The following LRRC4C variants were observed in gnomAD, a reference collection of about 807,000 sequenced individuals.
The protein encoded by LRRC4C is leucine rich repeat containing 4C, also known as leucine-rich repeat-containing protein 4C.
A neutral mutation model predicts 33.6 loss-of-function variants in LRRC4C; 5 were observed. The observed-to-expected ratio is 0.15, with a 90% confidence interval of 0.08 to 0.31. The LOEUF (loss-of-function observed/expected upper bound fraction) is 0.31, where lower values mean the gene tolerates loss of function less well. LRRC4C is among the 10% of genes least tolerant of loss of function. The pLI is 1.00. For missense variants in LRRC4C, 560 were observed against 796.7 expected, an observed-to-expected ratio of 0.70 and a Z score of 3.58; for synonymous variants, 329 against 302.0, an observed-to-expected ratio of 1.09 and a Z score of -0.93.
At chr11:40,825,399 T>C (rs541599656) in intron 2 of LRRC4C, among the ~76,000 whole-genome samples, 18 of 152,032 alleles carry the variant, frequency 1.2e-4, no homozygotes, top group Middle Eastern at 3.4e-3. Flanking sequence ...GCTGGCCTCA[T>C]TGGAGTACTG....
intron 1 of LRRC4C, among the ~76,000 whole-genome samples, chr11:41,436,572 C>G (rs767771898): frequency 7.2e-5 from 11 of 152,288 alleles, no homozygotes; most frequent in Non-Finnish European, 1.2e-4. Flanking sequence ...ACCAGAGAAC[C>G]TTTTATAGAA....
chr11:40,707,485 T>C (rs1183563591), intron 2 of LRRC4C, among the ~76,000 whole-genome samples: 1 of 152,202 alleles, frequency 6.6e-6, no homozygotes, highest in African/African-American at 2.4e-5. Context: ...TTTTTGTCTT[T>C]GGTTTTGTTT....
chr11:41,175,263 A>G (rs1367012220), intron 1 of LRRC4C, among the ~76,000 whole-genome samples: 1 of 152,146 alleles, frequency 6.6e-6, no homozygotes, highest in Non-Finnish European at 1.5e-5. Flanking sequence ...CACAGCAACC[A>G]ATATAGTCTA....
intron 6 of LRRC4C, among the ~76,000 whole-genome samples, chr11:40,126,025 T>G: frequency 6.6e-6 from 1 of 152,128 alleles, no homozygotes; most frequent in East Asian, 1.9e-4. Flanking sequence ...AGTAGGTAAA[T>G]GTAATGGAAA....
intron 2 of LRRC4C, among the ~76,000 whole-genome samples, chr11:40,905,236 G>C (rs954922719): frequency 3.3e-5 from 5 of 152,046 alleles, no homozygotes; most frequent in East Asian, 1.9e-4. Context: ...ATTTCAACCA[G>C]GAAAAACATG....
chr11:40,934,955 T>C (rs1957805312), intron 1 of LRRC4C, among the ~76,000 whole-genome samples: 1 of 152,162 alleles, frequency 6.6e-6, no homozygotes, highest in South Asian at 2.1e-4. Context: ...CATTATCTTA[T>C]GCAAAAAGAC....
chr11:40,947,151 A>G (rs1276071762), intron 1 of LRRC4C, among the ~76,000 whole-genome samples: 1 of 152,180 alleles, frequency 6.6e-6, no homozygotes, highest in Non-Finnish European at 1.5e-5. Flanking sequence ...ATATTAGAGA[A>G]CTGCTGAATT....
chr11:40,924,911 C>G (rs970814284), intron 2 of LRRC4C, among the ~76,000 whole-genome samples: 2 of 152,278 alleles, frequency 1.3e-5, no homozygotes, highest in South Asian at 4.1e-4. Flanking sequence ...TCAATTCCAG[C>G]AAGTGTGTTT....
intron 5 of LRRC4C, among the ~76,000 whole-genome samples, chr11:40,235,221 C>T (rs545303910): frequency 2.0e-5 from 3 of 152,258 alleles, no homozygotes; most frequent in Middle Eastern, 3.4e-3. Flanking sequence ...ATATAATAGT[C>T]CTTGTCTCAC....
chr11:41,167,051 A>G (rs61878618), intron 1 of LRRC4C, among the ~76,000 whole-genome samples: 441 of 152,304 alleles, frequency 2.9e-3, no homozygotes, highest in African/African-American at 6.1e-3. Flanking sequence ...CCATCACTAC[A>G]TAATGGATAC....
intron 3 of LRRC4C, among the ~76,000 whole-genome samples, chr11:40,478,750 C>G (rs2073321077): frequency 6.6e-6 from 1 of 152,116 alleles, no homozygotes; most frequent in African/African-American, 2.4e-5. Context: ...AAATAGGCTT[C>G]CCTGAATAAA....
intron 2 of LRRC4C, among the ~76,000 whole-genome samples, chr11:40,879,484 G>A (rs1402854921): frequency 1.3e-5 from 2 of 152,146 alleles, no homozygotes; most frequent in Non-Finnish European, 2.9e-5. Context: ...AATATGTAAC[G>A]AGTCCTGTGG....
rs75310532 is a variant in LRRC4C, at chr11:40,791,461, T to C, written c.-407+142174A>G. ...GGCTGAAAATTGATAATCTTCTACA[T>C]ACAGGCTCTTCATCCACTCCAGGTG... On this transcript the variant is annotated intron_variant, in intron 2 of 6. Coordinates refer to ENST00000528697, the MANE Select transcript of LRRC4C (RefSeq NM_001258419.2). Among the ~76,000 whole-genome samples, 498 of 152,282 alleles carry C rather than the reference T, an allele frequency of 3.3e-3. 5 individuals carry two copies. The highest frequency in any genetic ancestry group is 0.011 in the African/African-American group (477 of 41,572).
intron 1 of LRRC4C, among the ~76,000 whole-genome samples, chr11:41,066,210 G>C (rs1938224167): frequency 6.6e-6 from 1 of 152,168 alleles, no homozygotes; most frequent in Non-Finnish European, 1.5e-5. Flanking sequence ...AAGCAGTTTA[G>C]AGAGGAACAT....
chr11:40,394,239 C>T (rs1023593037), intron 3 of LRRC4C, among the ~76,000 whole-genome samples: 21 of 152,106 alleles, frequency 1.4e-4, no homozygotes, highest in African/African-American at 4.8e-4. Context: ...AAAACTAAGG[C>T]ACTCCATGCT....
At chr11:41,320,386 G>A (rs1452915554) in intron 1 of LRRC4C, among the ~76,000 whole-genome samples, 1 of 152,098 alleles carries the variant, frequency 6.6e-6, no homozygotes, top group Non-Finnish European at 1.5e-5. Flanking sequence ...ACAGTCAAAA[G>A]GTCAAGTTTT....
intron 1 of LRRC4C, among the ~76,000 whole-genome samples, chr11:40,944,437 C>G (rs1451175545): frequency 6.6e-6 from 1 of 152,106 alleles, no homozygotes; most frequent in Non-Finnish European, 1.5e-5. Flanking sequence ...TTTTGAAGCT[C>G]CACTGGAAAG....
intron 2 of LRRC4C, among the ~76,000 whole-genome samples, chr11:40,920,497 G>A (rs1027385771): frequency 2.0e-5 from 3 of 152,106 alleles, no homozygotes; most frequent in Non-Finnish European, 4.4e-5. Context: ...GGTTAATTGA[G>A]GCTCTGCTGG....
At chr11:41,141,977 T>C (rs1405038753) in intron 1 of LRRC4C, among the ~76,000 whole-genome samples, 2 of 151,802 alleles carry the variant, frequency 1.3e-5, no homozygotes, top group Non-Finnish European at 2.9e-5. Flanking sequence ...AATGATACAG[T>C]TAAAAAAAAA....
Sources: allele counts gnomAD v4.1 joint callset (sites outside exome capture counted in the v4.1 genomes callset), GRCh38; gene constraint gnomAD v4.1.1; transcripts MANE v1.5; gene names NCBI Gene and HGNC (gene_info 2026-07-23, HGNC 2026-07-21).